The following FNDC3B variants were observed in gnomAD, a reference collection of about 807,000 sequenced individuals.
The protein encoded by FNDC3B is fibronectin type III domain containing 3B, also known as fibronectin type III domain-containing protein 3B.
Under a neutral mutation model 151.5 loss-of-function variants are expected in FNDC3B, and 12 were observed. The ratio of observed to expected loss-of-function variants is 0.08; its 90% CI spans 0.05 to 0.13. The LOEUF (loss-of-function observed/expected upper bound fraction) is 0.13. Among genes scored for constraint, FNDC3B ranks in the 10% least tolerant of loss-of-function variants. The pLI is 1.00. For synonymous variants in FNDC3B, 528 were observed against 549.0 expected (o/e 0.96, Z 0.54); for missense variants, 1,214 against 1,505.3 (o/e 0.81, Z 3.20).
At chr3:172,318,655 G>C (rs1485855413) in intron 11 of FNDC3B, among the ~76,000 whole-genome samples, 1 of 152,142 alleles carries the variant, frequency 6.6e-6, no homozygotes, top group African/African-American at 2.4e-5. Context: ...TCTCTAAGGT[G>C]CCACACTGCC....
intron 2 of FNDC3B, among the ~76,000 whole-genome samples, chr3:172,130,744 G>A (rs920003670): frequency 2.6e-5 from 4 of 152,152 alleles, no homozygotes; most frequent in East Asian, 1.9e-4. Context: ...TTTCTGAACC[G>A]GTATTCAGGG....
chr3:172,272,486 A>C (rs1671932021), intron 6 of FNDC3B, among the ~76,000 whole-genome samples: 1 of 152,150 alleles, frequency 6.6e-6, no homozygotes, highest in African/African-American at 2.4e-5. Flanking sequence ...GATGGGCTGT[A>C]GTGGGGAGAA....
intron 24 of FNDC3B, among the ~76,000 whole-genome samples, chr3:172,378,948 C>G (rs1307613893): frequency 6.6e-6 from 1 of 152,212 alleles, no homozygotes; most frequent in Non-Finnish European, 1.5e-5. Flanking sequence ...TGACTACTTT[C>G]CTACTCTGGC....
chr3:172,224,767 G>T (rs1354803191), intron 3 of FNDC3B, among the ~76,000 whole-genome samples: 1 of 152,164 alleles, frequency 6.6e-6, no homozygotes, highest in East Asian at 1.9e-4. Flanking sequence ...TTTCATTGCC[G>T]ACAGCACAAC....
At chr3:172,281,642 A>C (rs999862460) in intron 6 of FNDC3B, among the ~76,000 whole-genome samples, 1 of 152,224 alleles carries the variant, frequency 6.6e-6, no homozygotes, top group Non-Finnish European at 1.5e-5. Context: ...AGAATGAAGA[A>C]TAAGAAACTT....
In FNDC3B at chr3:172,074,060, G is replaced by A. The variant is rs534117800; in HGVS notation, c.-29+34289G>A. Among the ~76,000 whole-genome samples the A allele has an allele frequency of 3.3e-5, 5 of 152,310 alleles. No individual in the cohort carries two copies. In the East Asian group the frequency reaches 9.6e-4, roughly 29 times the overall value. ...AGGACTGTGGAGGAAGACTTTCTCT[G>A]AGTAAGACCTTGCAAAACATAGATT... On this transcript the variant is annotated intron_variant, in intron 1 of 25. Coordinates refer to ENST00000415807, the MANE Select transcript of FNDC3B (RefSeq NM_022763.4).
chr3:172,331,946 G>A (rs939808034), intron 13 of FNDC3B, among the ~76,000 whole-genome samples: 2 of 152,162 alleles, frequency 1.3e-5, no homozygotes, highest in Non-Finnish European at 2.9e-5. Flanking sequence ...ACATATGCAT[G>A]TTGGCCTATA....
At chr3:172,378,124 A>G (rs925511470) in intron 23 of FNDC3B, 146 bp from the exon 24 acceptor site, 1 of 590,444 alleles carries the variant, frequency 1.7e-6, no homozygotes, top group Admixed American at 3.6e-5. Context: ...CTTAACCCTA[A>G]TGTAGCAACT....
At chr3:172,231,931 T>G (rs1396353875) in intron 4 of FNDC3B, among the ~76,000 whole-genome samples, 1 of 140,364 alleles carries the variant, frequency 7.1e-6, no homozygotes, top group Non-Finnish European at 1.5e-5. Flanking sequence ...CCCAGGCTGG[T>G]GTGCAGTGGC....
At chr3:172,396,429 T>G (rs11925080) in intron 25 of FNDC3B, among the ~76,000 whole-genome samples, 1 of 152,190 alleles carries the variant, frequency 6.6e-6, no homozygotes. Flanking sequence ...GTTTGCTCAG[T>G]TTTTAATTGT....
At chr3:172,153,287 C>A (rs1417227670) in intron 3 of FNDC3B, among the ~76,000 whole-genome samples, 1 of 152,172 alleles carries the variant, frequency 6.6e-6, no homozygotes, top group Non-Finnish European at 1.5e-5. Context: ...CGGGGAAAGT[C>A]TCAAAGATAG....
intron 3 of FNDC3B, among the ~76,000 whole-genome samples, chr3:172,175,458 T>C (rs1296908282): frequency 6.6e-6 from 1 of 152,204 alleles, no homozygotes; most frequent in African/African-American, 2.4e-5. Flanking sequence ...TTCTTTTTTG[T>C]TCTCAACTGG....
intron 1 of FNDC3B, among the ~76,000 whole-genome samples, chr3:172,075,551 T>G (rs915912819): frequency 6.6e-6 from 1 of 152,094 alleles, no homozygotes; most frequent in Admixed American, 6.5e-5. Flanking sequence ...CAGTGGATAT[T>G]GACCCTTCAA....
rs142259330 is a variant in FNDC3B, at chr3:172,210,006, G to T, written c.188-16865G>T. ...CACAACTGTTTTCCGACTGGAGTGG[G>T]TGCCAGGGACAGGGAGAGGCCAGCC... is the stretch of plus-strand genomic sequence containing the variant. On this transcript the variant is annotated intron_variant, in intron 3 of 25. Transcript: ENST00000415807. Among the ~76,000 whole-genome samples the T allele has an allele frequency of 4.0e-3, 616 of 152,354 alleles. 3 individuals carry two copies. Among genetic ancestry groups the T allele is most frequent in the African/African-American group, 0.014 (583 of 41,586 alleles).
intron 6 of FNDC3B, among the ~76,000 whole-genome samples, chr3:172,273,411 T>A (rs530003990): frequency 6.6e-6 from 1 of 152,338 alleles, no homozygotes; most frequent in Admixed American, 6.5e-5. Context: ...CTCTGTTACC[T>A]AATCACAGGC....
intron 11 of FNDC3B, among the ~76,000 whole-genome samples, chr3:172,311,575 A>C (rs1731492695): frequency 6.6e-6 from 1 of 152,128 alleles, no homozygotes; most frequent in Non-Finnish European, 1.5e-5. Flanking sequence ...ATTTCTAAAA[A>C]GCAACTGTAG....
At chr3:172,324,977 C>A (rs900960903) in intron 11 of FNDC3B, among the ~76,000 whole-genome samples, 1 of 152,192 alleles carries the variant, frequency 6.6e-6, no homozygotes. Context: ...CTCAGCCCTG[C>A]GGACCAGCTG....
chr3:172,045,769 TC>T lies in FNDC3B; in HGVS notation c.-29+5999del, dbSNP rs1716333259. ...TTTGTACTTTAGTTTACTGAGTGTC[TC>T]TCTCTCTCTCTCTCTCTCTCTCTCT... On this transcript the variant is annotated intron_variant, in intron 1 of 25. Coordinates refer to ENST00000415807, the MANE Select transcript of FNDC3B (RefSeq NM_022763.4). Among the ~76,000 whole-genome samples, 26 of 17,478 alleles carry T rather than the reference TC, an allele frequency of 1.5e-3. 1 individual carries two copies. Among genetic ancestry groups the T allele is most frequent in the East Asian group, 0.011 (4 of 374 alleles). The allele number at this position is 17,478 out of a possible 152,430, so 11.5% of individuals were successfully genotyped here. A position where few individuals can be genotyped will look rare whatever the true frequency, so the allele number is the denominator to read the frequency against.
In FNDC3B at chr3:172,161,976, A is replaced by ATT. The variant is rs35592121; in HGVS notation, c.187+28442_187+28443dup. Among the ~76,000 whole-genome samples, 667 of 138,090 alleles carry ATT rather than the reference A, an allele frequency of 4.8e-3. 4 individuals are homozygous for ATT. The highest frequency in any genetic ancestry group is 0.012 in the African/African-American group (479 of 39,320). 90.6% of individuals were successfully genotyped at this position (138,090 alleles called of 152,430 possible). A position where few individuals can be genotyped will look rare whatever the true frequency, so the allele number is the denominator to read the frequency against. Reference sequence around the variant, plus strand: ...ATTTTGTGATTGTCCTCTTAGGATAATTTTTTTTTTTTTGGGGGGGGACAG... The same window carrying ATT: ...ATTTTGTGATTGTCCTCTTAGGATAATTTTTTTTTTTTTTTGGGGGGGGACAG... On this transcript the variant is annotated intron_variant, in intron 3 of 25. Coordinates refer to ENST00000415807, the MANE Select transcript of FNDC3B (RefSeq NM_022763.4).
Sources: gnomAD v4.1 joint callset for allele counts (sites outside exome capture counted in the v4.1 genomes callset) on GRCh38, gnomAD v4.1.1 for gene constraint, MANE v1.5 for transcripts, NCBI Gene and HGNC (gene_info 2026-07-23, HGNC 2026-07-21) for gene names.